Variants in PHACTR1 observed in about 807,000 individuals in gnomAD.
The protein encoded by PHACTR1 is phosphatase and actin regulator 1.
PHACTR1 carries 16 observed loss-of-function variants against 69.2 expected under a neutral mutation model. The ratio of observed to expected loss-of-function variants is 0.23; its 90% CI spans 0.16 to 0.35. The LOEUF is 0.35. PHACTR1 is among the 10% of genes least tolerant of loss of function. The pLI is 1.00. For synonymous variants in PHACTR1, 312 were observed against 284.5 expected, an observed-to-expected ratio of 1.10 and a Z score of -0.97; for missense variants, 510 against 734.7, an observed-to-expected ratio of 0.69 and a Z score of 3.54.
chr6:12,718,759 A>C lies in PHACTR1; in HGVS notation c.15A>C (p.Lys5Asn). ...GAACATCAAGGATGGATTATCCCAA[A>C]ATGGATTATTTTCTGGATGTAGAGT... MDYPKMDYFLDVESA... is the reference protein window; with the variant it reads MDYPNMDYFLDVESA... Residue 5 changes from lysine to asparagine, a missense_variant, in exon 3 of 15, where the codon AAA becomes AAC. Physicochemically the swap from Lys to Asn is moderately conservative, Grantham distance 94. This residue lies in a region of PHACTR1 where 419 missense variants were observed against 530.9 expected (regional missense o/e 0.79). Transcript: ENST00000332995. 3 of 1,554,288 alleles carry C rather than the reference A, an allele frequency of 1.9e-6. No individual in the cohort carries two copies. The highest frequency in any genetic ancestry group is 2.6e-6 in the Non-Finnish European group (3 of 1,144,930).
intron 4 of PHACTR1, among the ~76,000 whole-genome samples, chr6:12,969,044 T>C (rs931304344): frequency 6.6e-6 from 1 of 152,176 alleles, no homozygotes; most frequent in Non-Finnish European, 1.5e-5. Context: ...TGCTAGTCCA[T>C]GCACCACACT....
rs116166228 is a variant in PHACTR1 at position 12,901,894 on chromosome 6, T to G, written c.251-151471T>G. ...GGAATCCCTGAAAAATAAACTCCAG[T>G]GTCTATGCTTGACAGTGGTTTCTCA... On this transcript the variant is annotated intron_variant, in intron 4 of 14. Coordinates refer to ENST00000332995, the MANE Select transcript of PHACTR1 (RefSeq NM_030948.6). Among the ~76,000 whole-genome samples the G allele has an allele frequency of 8.0e-3, 1,221 of 152,208 alleles. 19 individuals are homozygous for G. Among genetic ancestry groups the G allele is most frequent in the African/African-American group, 0.027 (1,114 of 41,520 alleles).
intron 7 of PHACTR1, chr6:13,184,779 T>C (rs1762622603): frequency 2.2e-6 from 3 of 1,363,058 alleles, no homozygotes; most frequent in Non-Finnish European, 2.9e-6. Flanking sequence ...CTCCTGTGTA[T>C]CATGTGGTTG....
chr6:13,183,843 C>T (rs957880749), intron 7 of PHACTR1, among the ~76,000 whole-genome samples: 1 of 152,158 alleles, frequency 6.6e-6, no homozygotes, highest in South Asian at 2.1e-4. Flanking sequence ...CCAGCAGAAT[C>T]ACAGAGTTTC....
chr6:12,990,507 G>T (rs977774103), intron 4 of PHACTR1, among the ~76,000 whole-genome samples: 1 of 152,266 alleles, frequency 6.6e-6, no homozygotes, highest in African/African-American at 2.4e-5. Context: ...ACAGGATAGT[G>T]GGTGCCAGGG....
chr6:13,095,433 G>T (rs1158916072), intron 5 of PHACTR1, among the ~76,000 whole-genome samples: 1 of 152,176 alleles, frequency 6.6e-6, no homozygotes, highest in Non-Finnish European at 1.5e-5. Flanking sequence ...GTTCTGCTAG[G>T]TCTGCAGGAT....
rs117406671 is a variant in PHACTR1 at position 12,881,694 on chromosome 6, A to C, written c.250+131904A>C. ...GGAGCTTGGTCCTGTTGCCCACGGA[A>C]TCTCTAGGGCCCAGAAAAGTGTCTG... On this transcript the variant is annotated intron_variant, in intron 4 of 14. Transcript: ENST00000332995. Among the ~76,000 whole-genome samples, 57 of 152,196 alleles carry C rather than the reference A, an allele frequency of 3.7e-4. 1 individual carries two copies. The East Asian group carries it at 9.7e-3, about 26-fold the overall frequency.
At chr6:13,216,502 CGT>C (rs1767698137) in intron 8 of PHACTR1, among the ~76,000 whole-genome samples, 2 of 151,506 alleles carry the variant, frequency 1.3e-5, no homozygotes. Flanking sequence ...TTTGTAGTTC[CGT>C]GTTTCTTCAT....
Position 13,273,097 on chromosome 6 carries a change from A to G in PHACTR1, c.1447+182A>G, listed in dbSNP as rs891063281. The G allele has an allele frequency of 1.0e-5, 8 of 791,492 alleles. No homozygotes were observed. The African/African-American group carries it at 1.4e-4, about 14-fold the overall frequency. The allele number at this position is 791,492 out of a possible 1,614,324, so 49.0% of individuals were successfully genotyped here. On this transcript the variant is annotated intron_variant, in intron 11 of 14. Transcript: ENST00000332995. ...GACGACCTCCCCAAAGAGAAGGCAA[A>G]TTTTATTCCACTTTATTCTTTAGAA... is the stretch of plus-strand genomic sequence containing the variant.
At chr6:12,839,881 G>A (rs746718550) in intron 4 of PHACTR1, among the ~76,000 whole-genome samples, 1 of 151,202 alleles carries the variant, frequency 6.6e-6, no homozygotes, top group Non-Finnish European at 1.5e-5. Flanking sequence ...AGTGTAGAGC[G>A]AACACGGCCA....
In PHACTR1 at chr6:12,951,349, G is replaced by A. The variant is rs150596938; in HGVS notation, c.251-102016G>A. ...AGGCTAGTCTAAGTTTAGCAACGTG[G>A]TGAGCTTAATATGGCCTTGGCAAAA... On this transcript the variant is annotated intron_variant, in intron 4 of 14. Coordinates refer to ENST00000332995, the MANE Select transcript of PHACTR1 (RefSeq NM_030948.6). Among the ~76,000 whole-genome samples, 986 of 152,306 alleles carry A rather than the reference G, an allele frequency of 6.5e-3. 6 individuals carry two copies. The highest frequency in any genetic ancestry group is 0.014 in the Middle Eastern group (4 of 294).
Position 13,287,093 on chromosome 6 carries a change from T to TTGAG in PHACTR1, c.*18_*21dup. 4 of 1,600,932 alleles carry TTGAG rather than the reference T, an allele frequency of 2.5e-6. No individual in the cohort carries two copies. ...ACCGACCTTAACAGTCGAATTCCTC[T>TTGAG]TGAGTGCTATGCTGTCTTCAAAACA... On this transcript the variant is annotated 3_prime_UTR_variant, in exon 15 of 15. Coordinates refer to ENST00000332995, the MANE Select transcript of PHACTR1 (RefSeq NM_030948.6).
intron 5 of PHACTR1, among the ~76,000 whole-genome samples, chr6:13,101,274 C>G (rs1012676799): frequency 7.9e-5 from 12 of 152,236 alleles, no homozygotes; most frequent in Non-Finnish European, 1.5e-4. Context: ...ACTTCTATAA[C>G]AGTCCACTCT....
chr6:13,040,981 G>A (rs928443610), intron 4 of PHACTR1, among the ~76,000 whole-genome samples: 1 of 151,988 alleles, frequency 6.6e-6, no homozygotes, highest in Non-Finnish European at 1.5e-5. Flanking sequence ...CCAGACATTT[G>A]GAAGAAAGAA....
intron 4 of PHACTR1, among the ~76,000 whole-genome samples, chr6:13,039,892 C>A (rs531895186): frequency 6.6e-6 from 1 of 152,216 alleles, no homozygotes; most frequent in Admixed American, 6.5e-5. Context: ...TACTGATAAT[C>A]TTTTTAACTT....
intron 4 of PHACTR1, among the ~76,000 whole-genome samples, chr6:12,893,619 CTA>C (rs1018242869): frequency 1.3e-5 from 2 of 152,150 alleles, no homozygotes; most frequent in African/African-American, 4.8e-5. Flanking sequence ...ACTGATCACA[CTA>C]TTATTATCTT....
At chr6:12,720,595 G>A (rs1317432587) in intron 3 of PHACTR1, among the ~76,000 whole-genome samples, 2 of 152,184 alleles carry the variant, frequency 1.3e-5, no homozygotes, top group Non-Finnish European at 2.9e-5. Context: ...ATAAGCTACT[G>A]TTGCTCCCTG....
chr6:13,058,201 A>G (rs1027588757), intron 5 of PHACTR1, among the ~76,000 whole-genome samples: 1 of 152,190 alleles, frequency 6.6e-6, no homozygotes, highest in African/African-American at 2.4e-5. Flanking sequence ...TGCCTCCCCA[A>G]ATAGTCAACT....
At chr6:12,800,881 C>G (rs1218276439) in intron 4 of PHACTR1, among the ~76,000 whole-genome samples, 1 of 147,958 alleles carries the variant, frequency 6.8e-6, no homozygotes, top group Non-Finnish European at 1.5e-5. Context: ...ACAGTGAGAC[C>G]CTGTCTCAAA....
Sources: allele counts gnomAD v4.1 joint callset (sites outside exome capture counted in the v4.1 genomes callset), GRCh38; gene constraint gnomAD v4.1.1; regional missense constraint gnomAD v4.1.1; transcripts MANE v1.5; gene names NCBI Gene and HGNC (gene_info 2026-07-23, HGNC 2026-07-21).